Variants in CYP2C18 observed in about 807,000 individuals in gnomAD.
CYP2C18 encodes cytochrome P450 family 2 subfamily C member 18, also known as cytochrome P450 2C18.
Under a neutral mutation model 41.3 loss-of-function variants are expected in CYP2C18, and 38 were observed. The ratio of observed to expected loss-of-function variants is 0.92; its 90% CI spans 0.71 to 1.21. The LOEUF (loss-of-function observed/expected upper bound fraction) is 1.21, where lower values mean the gene tolerates loss of function less well. Among genes scored for constraint, CYP2C18 ranks in the 50% most tolerant of loss-of-function variants. CYP2C18 has a pLI of 0.00. For missense variants in CYP2C18, 635 were observed against 591.4 expected (o/e 1.07, Z -0.77); for synonymous variants, 236 against 210.0 (o/e 1.12, Z -1.07).
intron 8 of CYP2C18, chr10:94,733,694 A>G: frequency 1.5e-6 from 1 of 668,960 alleles, no homozygotes; most frequent in Non-Finnish European, 1.8e-6. Flanking sequence ...CTGCCTCTAG[A>G]TACATCACTG....
Position 94,694,998 on chromosome 10 carries a change from A to T in CYP2C18, c.563A>T (p.Asp188Val). ...TCTGTTATTTTCCATGATCGATTTG[A>T]TTATAAAGATCAGAGGTTTCTTAAC... The part of the protein sequence containing the change: ...ICSVIFHDRF[D>V]YKDQRFLNLM... The change falls in exon 4 of 9, where the codon GAT (aspartate) becomes GTT (valine). Residue 188 changes from aspartate to valine, a missense_variant. Asp to Val is a radical substitution (Grantham distance 152, BLOSUM62 -3). Transcript: ENST00000285979. 6.2e-7 allele frequency: 1 copy of T among 1,613,244 alleles called. No homozygotes were observed. The highest frequency in any genetic ancestry group is 1.1e-5 in the South Asian group (1 of 90,992).
chr10:94,705,641 T>C (rs1847329223), intron 4 of CYP2C18, among the ~76,000 whole-genome samples: 1 of 152,134 alleles, frequency 6.6e-6, no homozygotes, highest in African/African-American at 2.4e-5. Flanking sequence ...GATTCTGACT[T>C]TTTTGTTTGA....
chr10:94,732,728 G>T (rs547701904), intron 7 of CYP2C18, among the ~76,000 whole-genome samples: 1 of 151,890 alleles, frequency 6.6e-6, no homozygotes. Flanking sequence ...AATATTGTAC[G>T]TTCTCACAAG....
intron 1 of CYP2C18, among the ~76,000 whole-genome samples, chr10:94,685,168 G>A (rs1478425305): frequency 6.6e-6 from 1 of 151,768 alleles, no homozygotes; most frequent in Non-Finnish European, 1.5e-5. Context: ...CAAGTAGCTG[G>A]GGCTACAGGT....
intron 5 of CYP2C18, among the ~76,000 whole-genome samples, chr10:94,717,921 C>T (rs1281300507): frequency 6.6e-6 from 1 of 151,840 alleles, no homozygotes. Flanking sequence ...CTAATTATTG[C>T]CTTGGCTATT....
At chr10:94,720,341 T>C in intron 5 of CYP2C18, 55 bp from the exon 6 acceptor site, 3 of 1,489,136 alleles carry the variant, frequency 2.0e-6, no homozygotes, top group Non-Finnish European at 2.7e-6. Context: ...GGATTTTTTG[T>C]AATTTAATAT....
At chr10:94,699,040 T>C (rs1168382615) in intron 4 of CYP2C18, among the ~76,000 whole-genome samples, 3 of 152,202 alleles carry the variant, frequency 2.0e-5, no homozygotes, top group South Asian at 2.1e-4. Flanking sequence ...AGCTGAATTC[T>C]ATCATAGGTA....
chr10:94,697,958 C>T (rs1213031373), intron 4 of CYP2C18, among the ~76,000 whole-genome samples: 1 of 152,304 alleles, frequency 6.6e-6, no homozygotes, highest in African/African-American at 2.4e-5. Flanking sequence ...GCACCCAATA[C>T]AGGAGCATCC....
chr10:94,695,858 C>A (rs193119152), intron 4 of CYP2C18, among the ~76,000 whole-genome samples: 62 of 152,238 alleles, frequency 4.1e-4, no homozygotes, highest in South Asian at 1.2e-3. Context: ...CTCAGAGGGT[C>A]CTACACCCAT....
intron 4 of CYP2C18, among the ~76,000 whole-genome samples, chr10:94,698,221 A>G (rs934154895): frequency 6.6e-6 from 1 of 152,200 alleles, no homozygotes; most frequent in Non-Finnish European, 1.5e-5. Flanking sequence ...AATTGACCAC[A>G]TAGTTGGAAG....
intron 4 of CYP2C18, among the ~76,000 whole-genome samples, chr10:94,698,971 A>G (rs1457627824): frequency 6.6e-6 from 1 of 152,238 alleles, no homozygotes; most frequent in Non-Finnish European, 1.5e-5. Flanking sequence ...AGGCTCTGAA[A>G]TTGAGGCAAT....
chr10:94,687,834 A>T lies in CYP2C18; in HGVS notation c.233A>T (p.His78Leu). 4 of 1,613,826 alleles carry T rather than the reference A, an allele frequency of 2.5e-6. No individual in the cohort carries two copies. Among genetic ancestry groups the T allele is most frequent in the Non-Finnish European group, 3.4e-6 (4 of 1,179,778 alleles). ...GGCCTGAAGCCCATTGTGGTGTTGC[A>T]TGGATATGAAGCAGTGAAGGAGGCC... ...YFGLKPIVVL[H>L]GYEAVKEALI... The change falls in exon 2 of 9, where the codon CAT (histidine) becomes CTT (leucine). Residue 78 changes from histidine (H) to leucine (L), a missense_variant. Coordinates refer to ENST00000285979, the MANE Select transcript of CYP2C18 (RefSeq NM_000772.3).
chr10:94,701,965 G>A (rs1480181617), intron 4 of CYP2C18, among the ~76,000 whole-genome samples: 1 of 152,008 alleles, frequency 6.6e-6, no homozygotes, highest in Admixed American at 6.6e-5. Flanking sequence ...AATCTGTATT[G>A]AGAATTGTTT....
chr10:94,703,392 C>T (rs1344593134), intron 4 of CYP2C18, among the ~76,000 whole-genome samples: 1 of 152,188 alleles, frequency 6.6e-6, no homozygotes. Context: ...TCTATAGTCC[C>T]CTACTGGGGC....
At chr10:94,689,579 G>A (rs571462585) in intron 3 of CYP2C18, among the ~76,000 whole-genome samples, 7 of 151,968 alleles carry the variant, frequency 4.6e-5, no homozygotes, top group Non-Finnish European at 8.8e-5. Context: ...GTAAGGCATT[G>A]GTTCTAGGAC....
At position 94,723,322 on chromosome 10, in the gene CYP2C18, C is replaced by T. The variant is rs190101224; in HGVS notation, c.962-1024C>T. ...AAGTGTCAGGGAGGCTGCTGGATAC[C>T]AGGTCTAGAAAACAAATGCTTTAGA... is the stretch of plus-strand genomic sequence containing the variant. On this transcript the variant is annotated intron_variant, in intron 6 of 8. Coordinates refer to ENST00000285979, the MANE Select transcript of CYP2C18 (RefSeq NM_000772.3). Among the ~76,000 whole-genome samples the T allele has an allele frequency of 2.1e-3, 327 of 152,106 alleles. 1 individual carries two copies. The highest frequency in any genetic ancestry group is 4.1e-3 in the Admixed American group (63 of 15,256).
intron 5 of CYP2C18, among the ~76,000 whole-genome samples, chr10:94,707,490 G>A (rs1436355934): frequency 6.6e-6 from 1 of 152,116 alleles, no homozygotes; most frequent in African/African-American, 2.4e-5. Context: ...GACAAATATG[G>A]AATTGGAGGT....
intron 1 of CYP2C18, among the ~76,000 whole-genome samples, chr10:94,684,965 T>TA (rs1846857713): frequency 6.6e-6 from 1 of 152,114 alleles, no homozygotes; most frequent in African/African-American, 2.4e-5. Flanking sequence ...ATTTAAAAAA[T>TA]ATATCTTGGC....
chr10:94,719,199 T>C (rs1363110175), intron 5 of CYP2C18, among the ~76,000 whole-genome samples: 2 of 152,144 alleles, frequency 1.3e-5, no homozygotes, highest in African/African-American at 4.8e-5. Context: ...GTCTCTAATT[T>C]ACTTATTTCT....
Sources: gnomAD v4.1 joint callset for allele counts (sites outside exome capture counted in the v4.1 genomes callset) on GRCh38, gnomAD v4.1.1 for gene constraint, MANE v1.5 for transcripts, NCBI Gene and HGNC (gene_info 2026-07-23, HGNC 2026-07-21) for gene names.